The following PSD3 variants were observed in gnomAD, a reference collection of about 807,000 sequenced individuals.
PSD3 encodes PH and SEC7 domain-containing protein 3.
PSD3 carries 49 observed loss-of-function variants against 105.5 expected under a neutral mutation model. That is an observed-to-expected ratio of 0.46 (90% CI 0.37 to 0.59). The LOEUF (loss-of-function observed/expected upper bound fraction) is 0.59, where lower values mean the gene tolerates loss of function less well. PSD3 is among the 20% of genes least tolerant of loss of function. PSD3 has a pLI of 0.00. For synonymous variants in PSD3, 557 were observed against 457.8 expected (o/e 1.22, Z -2.77); for missense variants, 1,561 against 1,263.8 (o/e 1.24, Z -3.57).
chr8:18,935,976 T>G (rs996640111), intron 2 of PSD3, 58 bp downstream of exon 2: 1 of 1,145,136 alleles, frequency 8.7e-7, no homozygotes. Flanking sequence ...AAAAATCACT[T>G]TGAAATCACA....
intron 10 of PSD3, among the ~76,000 whole-genome samples, chr8:18,650,694 G>A (rs905388022): frequency 3.3e-5 from 5 of 152,228 alleles, no homozygotes; most frequent in African/African-American, 1.2e-4. Flanking sequence ...GCTGGATAGA[G>A]ATTGCAGAAT....
At chr8:18,561,858 G>C (rs1046211023) in intron 14 of PSD3, among the ~76,000 whole-genome samples, 2 of 152,208 alleles carry the variant, frequency 1.3e-5, no homozygotes, top group East Asian at 1.9e-4. Context: ...AGATCTTGCA[G>C]TGTGAGTCAA....
At chr8:18,758,595 A>C (rs1806255227) in intron 9 of PSD3, among the ~76,000 whole-genome samples, 2 of 152,052 alleles carry the variant, frequency 1.3e-5, no homozygotes, top group Non-Finnish European at 2.9e-5. Context: ...AATGGTTACA[A>C]ATCTGAGAGC....
intron 2 of PSD3, among the ~76,000 whole-genome samples, chr8:18,880,604 T>C (rs529871352): frequency 6.6e-6 from 1 of 152,222 alleles, no homozygotes; most frequent in Non-Finnish European, 1.5e-5. Flanking sequence ...CCGGCATCCA[T>C]GCCCATCATC....
chr8:18,705,529 T>C (rs1282276445), intron 9 of PSD3, among the ~76,000 whole-genome samples: 1 of 53,284 alleles, frequency 1.9e-5, no homozygotes, highest in African/African-American at 8.5e-5. Context: ...AGACCCTGTC[T>C]CAAGCAAAAA....
chr8:18,596,162 C>CA (rs35307260), intron 12 of PSD3, among the ~76,000 whole-genome samples: 112,720 of 150,128 alleles, frequency 0.75, 43,004 homozygotes, highest in South Asian at 0.89. Flanking sequence ...ATCAATGGGT[C>CA]AAAAAAAAAT....
chr8:18,739,068 G>A (rs1315037683), intron 9 of PSD3, among the ~76,000 whole-genome samples: 3 of 152,124 alleles, frequency 2.0e-5, no homozygotes, highest in African/African-American at 7.2e-5. Context: ...TAATAAACAT[G>A]TTTGTGGTTC....
chr8:18,667,521 G>C (rs1799541283), intron 9 of PSD3, among the ~76,000 whole-genome samples: 1 of 152,166 alleles, frequency 6.6e-6, no homozygotes, highest in Admixed American at 6.5e-5. Context: ...CAAACCCTGA[G>C]GTAGACACAG....
intron 14 of PSD3, among the ~76,000 whole-genome samples, chr8:18,570,543 T>C (rs927385222): frequency 1.3e-5 from 2 of 148,800 alleles, no homozygotes; most frequent in Non-Finnish European, 3.0e-5. Flanking sequence ...ACCTATAAAA[T>C]GGGAGAAAAT....
intron 2 of PSD3, among the ~76,000 whole-genome samples, chr8:18,900,274 T>C (rs1213667821): frequency 6.6e-6 from 1 of 152,232 alleles, no homozygotes; most frequent in East Asian, 1.9e-4. Context: ...GTAGAGTCTA[T>C]AGGCATGATT....
intron 1 of PSD3, among the ~76,000 whole-genome samples, chr8:19,033,920 G>A (rs1044231013): frequency 6.6e-6 from 1 of 152,078 alleles, no homozygotes; most frequent in Non-Finnish European, 1.5e-5. Context: ...AATCTAGATT[G>A]GTTCATTGCC....
At chr8:18,827,409 T>C (rs1213404245) in intron 4 of PSD3, among the ~76,000 whole-genome samples, 2 of 152,134 alleles carry the variant, frequency 1.3e-5, no homozygotes, top group Non-Finnish European at 2.9e-5. Flanking sequence ...GTCACTAGAC[T>C]ACAGGGTGCG....
At chr8:18,560,087 T>C (rs927314208) in intron 14 of PSD3, among the ~76,000 whole-genome samples, 5 of 151,914 alleles carry the variant, frequency 3.3e-5, no homozygotes, top group South Asian at 4.1e-4. Context: ...AACAGTGAAA[T>C]AGAAATGCCA....
At chr8:19,042,133 G>A (rs1169346491) in intron 1 of PSD3, among the ~76,000 whole-genome samples, 1 of 152,180 alleles carries the variant, frequency 6.6e-6, no homozygotes, top group African/African-American at 2.4e-5. Flanking sequence ...GAATGAACAT[G>A]TGGCTTTTAA....
intron 9 of PSD3, among the ~76,000 whole-genome samples, chr8:18,662,238 A>T (rs973654719): frequency 1.3e-5 from 2 of 152,208 alleles, no homozygotes; most frequent in African/African-American, 4.8e-5. Context: ...TAATATGTAT[A>T]ATTCATCATG....
intron 4 of PSD3, among the ~76,000 whole-genome samples, chr8:18,859,944 C>T (rs1268584312): frequency 6.6e-6 from 1 of 152,220 alleles, no homozygotes; most frequent in Non-Finnish European, 1.5e-5. Flanking sequence ...CTTTTCATTG[C>T]ATTCACAACT....
intron 1 of PSD3, among the ~76,000 whole-genome samples, chr8:19,038,099 C>A (rs192407403): frequency 6.6e-5 from 10 of 152,126 alleles, no homozygotes; most frequent in Admixed American, 5.9e-4. Flanking sequence ...CTGTGCAGTG[C>A]TTATCAAACC....
intron 4 of PSD3, among the ~76,000 whole-genome samples, chr8:18,843,763 G>T (rs1017703439): frequency 2.0e-5 from 3 of 152,108 alleles, no homozygotes; most frequent in African/African-American, 4.8e-5. Context: ...TACTGATGAT[G>T]GTGGTGATGG....
At chr8:18,707,345 C>G (rs375055972) in intron 9 of PSD3, among the ~76,000 whole-genome samples, 5 of 152,118 alleles carry the variant, frequency 3.3e-5, no homozygotes, top group Admixed American at 6.5e-5. Flanking sequence ...TATACACAGC[C>G]CACAGCAACA....
Sources: allele counts gnomAD v4.1 joint callset (sites outside exome capture counted in the v4.1 genomes callset), GRCh38; gene constraint gnomAD v4.1.1; transcripts MANE v1.5; gene names NCBI Gene and HGNC (gene_info 2026-07-23, HGNC 2026-07-21).